OTOP1: variants seen among roughly 807,000 people sequenced by gnomAD.
OTOP1 encodes otopetrin 1.
OTOP1 carries 59 observed loss-of-function variants against 52.9 expected under a neutral mutation model. The ratio of observed to expected loss-of-function variants is 1.12; its 90% CI spans 0.91 to 1.39. OTOP1 has a LOEUF of 1.39. Ranked by LOEUF, OTOP1 falls within the 40% of genes most tolerant of loss-of-function variation. OTOP1 has a pLI of 0.00. For synonymous variants in OTOP1, 317 were observed against 337.7 expected (o/e 0.94, Z 0.67); for missense variants, 761 against 800.9 (o/e 0.95, Z 0.60).
At chr4:4,225,792 C>G (rs926256588) in intron 1 of OTOP1, among the ~76,000 whole-genome samples, 4 of 152,054 alleles carry the variant, frequency 2.6e-5, no homozygotes, top group Non-Finnish European at 5.9e-5. Flanking sequence ...ACAGAGCTCC[C>G]CAGTGGAGTG....
At chr4:4,219,769 C>T (rs1397328850) in intron 1 of OTOP1, among the ~76,000 whole-genome samples, 4 of 146,826 alleles carry the variant, frequency 2.7e-5, no homozygotes, top group African/African-American at 5.1e-5. Context: ...ACAGTTTTTG[C>T]TTTATATATA....
At chr4:4,223,626 G>C (rs181163887) in intron 1 of OTOP1, among the ~76,000 whole-genome samples, 1 of 152,106 alleles carries the variant, frequency 6.6e-6, no homozygotes, top group East Asian at 1.9e-4. Flanking sequence ...CAGGCCGGGC[G>C]TGGTGGCCCA....
intron 5 of OTOP1, among the ~76,000 whole-genome samples, chr4:4,189,591 G>A (rs1716459214): frequency 2.0e-5 from 3 of 152,194 alleles, no homozygotes; most frequent in Admixed American, 2.0e-4. Flanking sequence ...CCCCTTGAGT[G>A]TGGGATGCAC....
intron 2 of OTOP1, among the ~76,000 whole-genome samples, chr4:4,210,383 TTTCTC>T (rs1281586274): frequency 1.3e-5 from 2 of 152,194 alleles, no homozygotes; most frequent in Admixed American, 1.3e-4. Context: ...ATCACAGGAA[TTTCTC>T]TTCTCAGCGT....
Position 4,197,724 on chromosome 4 carries a change from C to T in OTOP1, c.1110G>A (p.Arg370=). 6.2e-7 allele frequency: 1 copy of T among 1,613,856 alleles called. No homozygotes were observed. The highest frequency in any genetic ancestry group is 8.5e-7 in the Non-Finnish European group (1 of 1,179,988). Reference sequence around the variant, plus strand: ...GTGACTTCTCGTCTATCCTGTAAATCCGGATTCCAGCCAGCCCCGCAGCCC... The same window carrying T: ...GTGACTTCTCGTCTATCCTGTAAATTCGGATTCCAGCCAGCCCCGCAGCCC... The part of the protein sequence containing the change: ...LMGAAGLAGI[R]IYRIDEKSLD... The change falls in exon 5 of 6, where the codon CGG becomes CGA. Residue 370 remains arginine (R), a synonymous_variant. Coordinates refer to ENST00000296358, the MANE Select transcript of OTOP1 (RefSeq NM_177998.3).
chr4:4,197,337 G>C lies in OTOP1; in HGVS notation c.1497C>G (p.Ala499=), dbSNP rs770854411. 1 of 1,614,018 alleles carries C rather than the reference G, an allele frequency of 6.2e-7. No individual in the cohort carries two copies. Among genetic ancestry groups the C allele is most frequent in the South Asian group, 1.1e-5 (1 of 91,064 alleles). ...TTTCTCTCATGCACACATTTCCATT[G>C]GCTGCTGGTGGCATGTCCTTGCCCT... ...APQGKDMPPA[A]NGNVCMRESH... is the part of the protein sequence containing the mutation. The change falls in exon 5 of 6, where the codon GCC becomes GCG. Residue 499 remains alanine (A), a synonymous_variant. Coordinates refer to ENST00000296358, the MANE Select transcript of OTOP1 (RefSeq NM_177998.3).
At chr4:4,201,948 A>C (rs772523553) in intron 4 of OTOP1, among the ~76,000 whole-genome samples, 3 of 152,238 alleles carry the variant, frequency 2.0e-5, no homozygotes, top group Non-Finnish European at 4.4e-5. Context: ...AAATAGGAAC[A>C]AGGTGGAACA....
Position 4,226,623 on chromosome 4 carries a change from G to C in OTOP1, c.242C>G (p.Ala81Gly). Residue 81 changes from alanine (A) to glycine (G), a missense_variant, in exon 1 of 6, where the codon GCC (alanine) becomes GGC (glycine). Ala to Gly is a moderately conservative substitution (Grantham distance 60). This residue lies in a region of OTOP1 where 56 missense variants were observed against 105.6 expected (regional missense o/e 0.53). Coordinates refer to ENST00000296358, the MANE Select transcript of OTOP1 (RefSeq NM_177998.3). ...CTTGCTCACGCCCGCGGCGTGCACG[G>C]CCCAGGCCAGCAGCAGCAGCAGCCC... ...VAGLLLLLAWAVHAAGVSKSD... is the reference protein window; with the variant it reads ...VAGLLLLLAWGVHAAGVSKSD... 4.4e-6 allele frequency: 7 copies of C among 1,590,710 alleles called. No homozygotes were observed. Among genetic ancestry groups the C allele is most frequent in the Non-Finnish European group, 6.0e-6 (7 of 1,173,250 alleles).
Position 4,197,454 on chromosome 4 carries a change from G to A in OTOP1, c.1380C>T (p.Thr460=). 2 of 1,614,078 alleles carry A rather than the reference G, an allele frequency of 1.2e-6. No individual in the cohort carries two copies. The highest frequency in any genetic ancestry group is 1.7e-6 in the Non-Finnish European group (2 of 1,180,020). ...EPEKLSEDIQ[T]LRVVTVCNGN... ...CATTGCAGACTGTGACCACCCGAAGGGTTTGGATGTCCTCAGAGAGTTTTT... is the reference window on the plus strand; with the variant it reads ...CATTGCAGACTGTGACCACCCGAAGAGTTTGGATGTCCTCAGAGAGTTTTT... The change falls in exon 5 of 6, where the codon ACC becomes ACT. Residue 460 remains threonine (T), a synonymous_variant. Transcript: ENST00000296358.
intron 1 of OTOP1, among the ~76,000 whole-genome samples, chr4:4,216,865 C>A (rs1717164694): frequency 6.6e-6 from 1 of 152,196 alleles, no homozygotes; most frequent in Non-Finnish European, 1.5e-5. Flanking sequence ...TGCGGATGGT[C>A]CACAGCAGTG....
chr4:4,207,196 A>G (rs1019308508), intron 2 of OTOP1, among the ~76,000 whole-genome samples: 1 of 82,502 alleles, frequency 1.2e-5, no homozygotes, highest in African/African-American at 5.7e-5. Flanking sequence ...CAATAATAAA[A>G]ACAGACAGCA....
intron 1 of OTOP1, among the ~76,000 whole-genome samples, chr4:4,223,275 C>T (rs1349683202): frequency 6.6e-6 from 1 of 152,204 alleles, no homozygotes; most frequent in Non-Finnish European, 1.5e-5. Context: ...CCCTGCTCTT[C>T]CCTTTGGCTT....
At chr4:4,196,564 A>G (rs1308257684) in intron 5 of OTOP1, among the ~76,000 whole-genome samples, 1 of 152,164 alleles carries the variant, frequency 6.6e-6, no homozygotes, top group Non-Finnish European at 1.5e-5. Context: ...TCTCAAAAAA[A>G]GAGAGTTTTT....
At chr4:4,193,378 G>A (rs1322186462) in intron 5 of OTOP1, among the ~76,000 whole-genome samples, 4 of 152,280 alleles carry the variant, frequency 2.6e-5, no homozygotes, top group African/African-American at 9.6e-5. Context: ...TGTCTCCAGT[G>A]CCACAGCTCC....
intron 2 of OTOP1, among the ~76,000 whole-genome samples, chr4:4,211,387 T>C (rs1717022449): frequency 6.6e-6 from 1 of 152,174 alleles, no homozygotes; most frequent in South Asian, 2.1e-4. Context: ...AAAATAATCA[T>C]TGTGTCTCCG....
chr4:4,206,007 T>A, intron 3 of OTOP1, 65 bp downstream of exon 3: 1 of 1,365,504 alleles, frequency 7.3e-7, no homozygotes, highest in East Asian at 2.3e-5. Flanking sequence ...ATGGCAGTGA[T>A]GAGTTTTGAA....
At chr4:4,221,795 T>C (rs935582140) in intron 1 of OTOP1, among the ~76,000 whole-genome samples, 2 of 152,328 alleles carry the variant, frequency 1.3e-5, no homozygotes, top group Middle Eastern at 6.8e-3. Context: ...TTTGTATTTT[T>C]AGTAGAGACG....
chr4:4,224,311 C>T (rs1209285680), intron 1 of OTOP1, among the ~76,000 whole-genome samples: 2 of 149,260 alleles, frequency 1.3e-5, no homozygotes, highest in Non-Finnish European at 3.0e-5. Context: ...CGCACCATTG[C>T]ACTCCAGCCT....
chr4:4,206,080 T>G lies in OTOP1; in HGVS notation c.591A>C (p.Thr197=). 6.2e-7 allele frequency: 1 copy of G among 1,605,896 alleles called. No individual in the cohort carries two copies. The highest frequency in any genetic ancestry group is 8.5e-7 in the Non-Finnish European group (1 of 1,172,878). ...HAKDIIQSFK[T]LERFGVIHSV... Reference sequence around the variant, plus strand: ...TTACCCACAATTTTTACCTTTCCAGTGTTTTGAAAGACTGGATAATATCCT... The same window carrying G: ...TTACCCACAATTTTTACCTTTCCAGGGTTTTGAAAGACTGGATAATATCCT... The change falls in exon 3 of 6, where the codon ACA becomes ACC. Residue 197 remains threonine (T), a synonymous_variant. Transcript: ENST00000296358.
Sources: gnomAD v4.1 joint callset for allele counts (sites outside exome capture counted in the v4.1 genomes callset) on GRCh38, gnomAD v4.1.1 for gene constraint, gnomAD v4.1.1 regional missense constraint, MANE v1.5 for transcripts, NCBI Gene and HGNC (gene_info 2026-07-23, HGNC 2026-07-21) for gene names.